The following PLCG2 variants were observed in gnomAD, a reference collection of about 807,000 sequenced individuals.
PLCG2 encodes 1-phosphatidylinositol 4,5-bisphosphate phosphodiesterase gamma-2.
In PLCG2, 69 loss-of-function variants were observed where a neutral mutation model predicts 175.6. That is an observed-to-expected ratio of 0.39 (90% CI 0.32 to 0.48). PLCG2 has a LOEUF of 0.48. PLCG2 is among the 20% of genes least tolerant of loss of function. The pLI is 0.91. For synonymous variants in PLCG2, 827 were observed against 624.0 expected, an observed-to-expected ratio of 1.33 and a Z score of -4.85; for missense variants, 1,798 against 1,650.9, an observed-to-expected ratio of 1.09 and a Z score of -1.54.
intron 3 of PLCG2, among the ~76,000 whole-genome samples, chr16:81,854,892 T>C (rs898207191): frequency 1.3e-5 from 2 of 152,114 alleles, no homozygotes; most frequent in South Asian, 2.1e-4. Context: ...GATGATTAGA[T>C]AGTTTTAACA....
chr16:81,768,778 G>A (rs997287260), intron 2 of PLCG2, among the ~76,000 whole-genome samples: 2 of 151,996 alleles, frequency 1.3e-5, no homozygotes, highest in Non-Finnish European at 2.9e-5. Context: ...TGTTGGCCAC[G>A]CTGGTCTCCA....
chr16:81,950,447 T>G (rs1180415348), intron 31 of PLCG2, among the ~76,000 whole-genome samples: 1 of 152,144 alleles, frequency 6.6e-6, no homozygotes, highest in South Asian at 2.1e-4. Flanking sequence ...CAAAGACAAC[T>G]GTATAAAGAA....
intron 5 of PLCG2, among the ~76,000 whole-genome samples, chr16:81,860,176 T>TATTATTATTATTATTA (rs200511055): frequency 4.3e-5 from 6 of 139,080 alleles, no homozygotes; most frequent in African/African-American, 1.7e-4. Flanking sequence ...ATTATTATTT[T>TATTATTATTATTATTA]TTTTTTTTTT....
chr16:81,883,288 G>C lies in PLCG2; in HGVS notation c.712G>C (p.Ala238Pro). 6.2e-7 allele frequency: 1 copy of C among 1,614,146 alleles called. No individual in the cohort carries two copies. The highest frequency in any genetic ancestry group is 8.5e-7 in the Non-Finnish European group (1 of 1,179,980). ...GGATAGGAACACTGACAGGCCGGAT[G>C]CCTCTGCTGTTTACCTGCATGACTT... is the stretch of plus-strand genomic sequence containing the variant. ...FILGNTDRPD[A>P]SAVYLHDFQR... Residue 238 changes from alanine (A) to proline (P), a missense_variant, in exon 9 of 33, where the codon GCC becomes CCC. Ala to Pro is a conservative substitution (Grantham distance 27). Coordinates refer to ENST00000564138, the MANE Select transcript of PLCG2 (RefSeq NM_002661.5).
chr16:81,922,138 G>C (rs575109192), intron 21 of PLCG2, among the ~76,000 whole-genome samples: 2 of 152,270 alleles, frequency 1.3e-5, no homozygotes, highest in East Asian at 3.9e-4. Context: ...CTGTTTGCAG[G>C]TGGGGGAGAG....
chr16:81,938,849 C>T lies in PLCG2; in HGVS notation c.3247C>T (p.Pro1083Ser). The T allele has an allele frequency of 6.2e-7, 1 of 1,613,702 alleles. No individual in the cohort carries two copies. The highest frequency in any genetic ancestry group is 8.5e-7 in the Non-Finnish European group (1 of 1,179,814). Reference protein sequence around the residue: ...LPKLGRSIACPFVEVEICGAE... With the variant: ...LPKLGRSIACSFVEVEICGAE... ...CAAACTTGGACGAAGTATTGCCTGTCCCTTTGTAGAAGTGGAGATCTGTGG... is the reference window on the plus strand; with the variant it reads ...CAAACTTGGACGAAGTATTGCCTGTTCCTTTGTAGAAGTGGAGATCTGTGG... The change falls in exon 29 of 33, where the codon CCC (proline) becomes TCC (serine). Residue 1083 changes from proline (P) to serine (S), a missense_variant. Coordinates refer to ENST00000564138, the MANE Select transcript of PLCG2 (RefSeq NM_002661.5).
At chr16:81,883,498 G>T (rs1209966064) in intron 9 of PLCG2, 157 bp downstream of exon 9, 2 of 624,786 alleles carry the variant, frequency 3.2e-6, no homozygotes, top group East Asian at 5.5e-5. Context: ...ATTGCAGTCT[G>T]CCAGATGCCA....
chr16:81,930,123 C>G (rs1383355463), intron 24 of PLCG2, among the ~76,000 whole-genome samples: 2 of 151,992 alleles, frequency 1.3e-5, no homozygotes, highest in Non-Finnish European at 2.9e-5. Context: ...ATCCCTTGAG[C>G]CCCAAGAGTT....
At chr16:81,742,838 C>T (rs1909624786) in intron 1 of PLCG2, among the ~76,000 whole-genome samples, 2 of 152,194 alleles carry the variant, frequency 1.3e-5, no homozygotes, top group Admixed American at 6.5e-5. Context: ...GGCCCCTCGT[C>T]CTCCCAGCTT....
chr16:81,780,347 C>G (rs1910674008), intron 1 of PLCG2, among the ~76,000 whole-genome samples: 1 of 152,164 alleles, frequency 6.6e-6, no homozygotes, highest in Non-Finnish European at 1.5e-5. Flanking sequence ...TGCTGTTCCA[C>G]GAGGTTCGCT....
At chr16:81,771,407 A>G (rs1405965106) in intron 2 of PLCG2, among the ~76,000 whole-genome samples, 2 of 152,206 alleles carry the variant, frequency 1.3e-5, no homozygotes. Context: ...TGTGAAACAC[A>G]GCCTTGTTTT....
At chr16:81,951,175 C>A (rs555273190) in intron 31 of PLCG2, among the ~76,000 whole-genome samples, 1 of 152,122 alleles carries the variant, frequency 6.6e-6, no homozygotes, top group East Asian at 1.9e-4. Flanking sequence ...GAGACAGGGC[C>A]CTGCTTTGCT....
intron 15 of PLCG2, among the ~76,000 whole-genome samples, chr16:81,905,903 T>A (rs551140612): frequency 6.6e-6 from 1 of 152,308 alleles, no homozygotes; most frequent in African/African-American, 2.4e-5. Context: ...CAAACAGTCC[T>A]CCCACCTTGG....
At position 81,940,020 on chromosome 16, in the gene PLCG2, C is replaced by G. The variant is rs1910874410; in HGVS notation, c.3442C>G (p.Leu1148Val). Residue 1148 changes from leucine (L) to valine (V), a missense_variant, in exon 30 of 33, where the codon CTT becomes GTT. By Grantham distance (32) the Leu-to-Val change is conservative. Coordinates refer to ENST00000564138, the MANE Select transcript of PLCG2 (RefSeq NM_002661.5). ...EEDMFSDPNF[L>V]AHATYPIKAV... The stretch of plus-strand genomic sequence containing the variant: ...AGATATGTTCAGCGATCCCAACTTT[C>G]TTGCTCATGCCACTTACCCCATTAA... 2.5e-6 allele frequency: 4 copies of G among 1,613,946 alleles called. No homozygotes were observed. The highest frequency in any genetic ancestry group is 1.7e-5 in the Admixed American group (1 of 60,014).
chr16:81,873,448 G>A lies in PLCG2; in HGVS notation c.648+2513G>A, dbSNP rs563905257. 2.6e-5 allele frequency among the ~76,000 whole-genome samples: 4 copies of A among 152,320 alleles called. No homozygotes were observed. In the South Asian group the frequency reaches 8.3e-4, roughly 32 times the overall value. On this transcript the variant is annotated intron_variant, in intron 7 of 32. Transcript: ENST00000564138. ...ATAGAACATGTCATAGAATAATGAT[G>A]ACAGTGTGCGTATGAAATTTGGAAT...
In PLCG2 at chr16:81,880,996, C is replaced by T. The variant is rs773965425; in HGVS notation, c.692+43C>T. 1.1e-5 allele frequency: 17 copies of T among 1,595,290 alleles called. No homozygotes were observed. The African/African-American group carries it at 2.3e-4, about 21-fold the overall frequency. Reference sequence around the variant, plus strand: ...TGTCGTTCGGGGCGGCTGTGCCGGACCTCGGTGCCTGGTGCCCAGCCGGCC... The same window carrying T: ...TGTCGTTCGGGGCGGCTGTGCCGGATCTCGGTGCCTGGTGCCCAGCCGGCC... On this transcript the variant is annotated intron_variant, in intron 8 of 32. Transcript: ENST00000564138.
chr16:81,856,544 A>G (rs1906691629), intron 3 of PLCG2, among the ~76,000 whole-genome samples: 1 of 152,230 alleles, frequency 6.6e-6, no homozygotes, highest in Non-Finnish European at 1.5e-5. Flanking sequence ...CATCTTGATT[A>G]GAAGCAGGGG....
intron 1 of PLCG2, among the ~76,000 whole-genome samples, chr16:81,746,573 G>A (rs567499798): frequency 1.3e-5 from 2 of 152,162 alleles, no homozygotes; most frequent in Non-Finnish European, 2.9e-5. Context: ...TTTAAGTGTA[G>A]GATTTCGTTT....
intron 1 of PLCG2, among the ~76,000 whole-genome samples, chr16:81,779,986 G>C (rs148103299): frequency 5.3e-5 from 8 of 152,294 alleles, no homozygotes; most frequent in Admixed American, 1.3e-4. Flanking sequence ...TGCGTGTTGT[G>C]TTTTGTTGTG....
Sources: gnomAD v4.1 joint callset for allele counts (sites outside exome capture counted in the v4.1 genomes callset) on GRCh38, gnomAD v4.1.1 for gene constraint, MANE v1.5 for transcripts, NCBI Gene and HGNC (gene_info 2026-07-23, HGNC 2026-07-21) for gene names.